The following TTC6 variants were observed in gnomAD, a reference collection of about 807,000 sequenced individuals.
TTC6 encodes the protein tetratricopeptide repeat domain 6.
TTC6 carries 172 observed loss-of-function variants against 210.4 expected under a neutral mutation model. That is an observed-to-expected ratio of 0.82 (90% CI 0.72 to 0.93). The LOEUF (loss-of-function observed/expected upper bound fraction) is 0.93. Ranked by LOEUF, TTC6 falls within the 40% of genes least tolerant of loss-of-function variation. TTC6 has a pLI of 0.00. For synonymous variants in TTC6, 804 were observed against 819.6 expected (o/e 0.98, Z 0.32); for missense variants, 2,414 against 2,318.1 (o/e 1.04, Z -0.85).
intron 6 of TTC6, among the ~76,000 whole-genome samples, chr14:37,721,847 CATATATATATATATATAT>C (rs35265224): frequency 1.7e-5 from 2 of 117,266 alleles, no homozygotes; most frequent in South Asian, 3.1e-4. Context: ...TGAGTTTCAC[CATATATATATATATATAT>C]ATATATATAT....
chr14:37,761,243 T>C (rs992810641), intron 14 of TTC6, among the ~76,000 whole-genome samples: 2 of 151,828 alleles, frequency 1.3e-5, no homozygotes, highest in African/African-American at 4.8e-5. Flanking sequence ...CTTCCCTTGG[T>C]TGGGGAGGGA....
chr14:37,622,906 T>C, exon 1 of TTC6: 8 of 1,535,078 alleles, frequency 5.2e-6, no homozygotes, highest in Non-Finnish European at 6.1e-6. Flanking sequence ...GAAGAGATCA[T>C]CGCCTCTCTG....
chr14:37,699,782 C>T (rs1048858032), intron 4 of TTC6, among the ~76,000 whole-genome samples: 2 of 152,066 alleles, frequency 1.3e-5, no homozygotes, highest in African/African-American at 2.4e-5. Flanking sequence ...AAGATGTTTT[C>T]TATCTTCAAA....
intron 1 of TTC6, among the ~76,000 whole-genome samples, chr14:37,597,763 C>CCCGCAGGCG (rs2095607262): frequency 6.6e-6 from 1 of 152,060 alleles, no homozygotes; most frequent in Non-Finnish European, 1.5e-5. Flanking sequence ...GCTGAATTTT[C>CCCGCAGGCG]CCGCAGGCGC....
chr14:37,605,384 G>A (rs2095623269), intron 1 of TTC6, among the ~76,000 whole-genome samples: 1 of 152,140 alleles, frequency 6.6e-6, no homozygotes. Flanking sequence ...GATCCGGGTG[G>A]ATAAAATAAA....
intron 14 of TTC6, among the ~76,000 whole-genome samples, chr14:37,777,764 G>A (rs968345872): frequency 5.7e-5 from 7 of 123,362 alleles, no homozygotes; most frequent in African/African-American, 1.9e-4. Context: ...TGTCTCCTTC[G>A]TGTAGGTTTT....
intron 1 of TTC6, among the ~76,000 whole-genome samples, chr14:37,668,591 G>A (rs1208909453): frequency 7.4e-6 from 1 of 135,438 alleles, no homozygotes; most frequent in Non-Finnish European, 1.8e-5. Flanking sequence ...GTTACTTTTG[G>A]CCCATTTTAC....
intron 1 of TTC6, among the ~76,000 whole-genome samples, chr14:37,628,683 T>C (rs1218040743): frequency 6.6e-6 from 1 of 152,232 alleles, no homozygotes; most frequent in African/African-American, 2.4e-5. Flanking sequence ...TCTTTGCCCA[T>C]GCGTATGTCC....
At chr14:37,817,795 C>A (rs903855153) in intron 26 of TTC6, 144 bp downstream of exon 28, 2 of 748,442 alleles carry the variant, frequency 2.7e-6, no homozygotes, top group African/African-American at 1.8e-5. Context: ...GGGAGGGACA[C>A]AAAGAGTTCC....
chr14:37,704,228 A>AT (rs35988735), intron 5 of TTC6, among the ~76,000 whole-genome samples: 2 of 151,938 alleles, frequency 1.3e-5, no homozygotes, highest in African/African-American at 4.8e-5. Flanking sequence ...TAATTATTAT[A>AT]TTTTTTTGTA....
chr14:37,787,629 G>GC lies in TTC6; in HGVS notation c.3428_3429insC (p.Val1144CysfsTer7). 2.1e-6 allele frequency: 3 copies of GC among 1,463,392 alleles called. No homozygotes were observed. The South Asian group carries it at 4.2e-5, about 20-fold the overall frequency. 90.7% of individuals were successfully genotyped at this position (1,463,392 alleles called of 1,614,324 possible). On this transcript the variant is annotated frameshift_variant, in exon 15 of 31. Transcript: ENST00000553443. LOFTEE classifies it high-confidence loss of function. ...CCTTTTAGAGCGCTACAGGATTATA[G>GC]TGTTTCAGGTACTTTGCCTTCAATT...
At chr14:37,623,703 A>G (rs2095655479) in intron 1 of TTC6, among the ~76,000 whole-genome samples, 1 of 152,196 alleles carries the variant, frequency 6.6e-6, no homozygotes, top group African/African-American at 2.4e-5. Context: ...GAGCTAATGC[A>G]TGGCAGAGCT....
chr14:37,822,115 G>A (rs1358375371), intron 26 of TTC6, among the ~76,000 whole-genome samples: 1 of 151,996 alleles, frequency 6.6e-6, no homozygotes, highest in African/African-American at 2.4e-5. Context: ...GTAATCAATG[G>A]TGCAGCACTC....
chr14:37,792,248 T>C lies in TTC6; in HGVS notation c.3558-16T>C. 6.7e-7 allele frequency: 1 copy of C among 1,490,508 alleles called. No individual in the cohort carries two copies. The highest frequency in any genetic ancestry group is 1.4e-5 in the African/African-American group (1 of 70,910). 92.3% of individuals were successfully genotyped at this position (1,490,508 alleles called of 1,614,324 possible). ...AAAAATGTTTAACAAGATTTCACTT[T>C]CTCATTTTTTTTTAGAACTATTACT... On this transcript the variant is annotated splice_polypyrimidine_tract_variant and intron_variant, in intron 16 of 30. Transcript: ENST00000553443.
At chr14:37,616,682 G>A (rs2095643242) in intron 2 of TTC6, among the ~76,000 whole-genome samples, 1 of 147,952 alleles carries the variant, frequency 6.8e-6, no homozygotes, top group Non-Finnish European at 1.5e-5. Context: ...GGGCGACAGA[G>A]TGATACTCTG....
In TTC6 at chr14:37,732,173, C is replaced by CT. The variant is rs61444309; in HGVS notation, c.1819-3721dup. Reference sequence around the variant, plus strand: ...TGTTATGTGTATTATGTACTGTATTCTTTTTTTTTTTTTTTTTTTTTTTTT... The same window carrying CT: ...TGTTATGTGTATTATGTACTGTATTCTTTTTTTTTTTTTTTTTTTTTTTTTT... On this transcript the variant is annotated intron_variant, in intron 7 of 30. Transcript: ENST00000553443. Among the ~76,000 whole-genome samples the CT allele has an allele frequency of 2.7e-3, 153 of 57,622 alleles. 9 individuals are homozygous for CT. The highest frequency in any genetic ancestry group is 0.011 in the African/African-American group (151 of 14,360). The allele number at this position is 57,622 out of a possible 152,430, so 37.8% of individuals were successfully genotyped here. A position where few individuals can be genotyped will look rare whatever the true frequency, so the allele number is the denominator to read the frequency against.
intron 26 of TTC6, among the ~76,000 whole-genome samples, chr14:37,821,645 G>T (rs2096157449): frequency 6.6e-6 from 1 of 151,850 alleles, no homozygotes; most frequent in Non-Finnish European, 1.5e-5. Context: ...ATTTTTCATG[G>T]CCTGGACAAG....
intron 5 of TTC6, among the ~76,000 whole-genome samples, chr14:37,707,513 A>G (rs1171094181): frequency 6.6e-6 from 1 of 151,988 alleles, no homozygotes; most frequent in Non-Finnish European, 1.5e-5. Context: ...AAGTCCTTCT[A>G]ATTTTCATTG....
intron 1 of TTC6, among the ~76,000 whole-genome samples, chr14:37,605,477 GTAT>G (rs2095623492): frequency 6.6e-6 from 1 of 151,752 alleles, no homozygotes; most frequent in African/African-American, 2.4e-5. Context: ...GGGTGAGTGA[GTAT>G]GGGGGAAGTG....
Sources: gnomAD v4.1 joint callset for allele counts (sites outside exome capture counted in the v4.1 genomes callset) on GRCh38, gnomAD v4.1.1 for gene constraint, MANE v1.5 for transcripts, NCBI Gene and HGNC (gene_info 2026-07-23, HGNC 2026-07-21) for gene names.